MRC1: variants seen among roughly 807,000 people sequenced by gnomAD.
The protein encoded by MRC1 is macrophage mannose receptor 1.
MRC1 carries 62 observed loss-of-function variants against 102.9 expected under a neutral mutation model. The observed-to-expected ratio is 0.60, with a 90% confidence interval of 0.49 to 0.74. The LOEUF (loss-of-function observed/expected upper bound fraction) is 0.74. Among genes scored for constraint, MRC1 ranks in the 30% least tolerant of loss-of-function variants. The probability of loss-of-function intolerance (pLI) is 0.00; values close to 1 mark genes in which losing one functional copy is unlikely to be tolerated. For synonymous variants in MRC1, 457 were observed against 298.4 expected (o/e 1.53, Z -5.48); for missense variants, 1,237 against 862.8 (o/e 1.43, Z -5.43).
intron 24 of MRC1, among the ~76,000 whole-genome samples, chr10:17,898,817 T>A (rs1554843532): frequency 6.6e-6 from 1 of 152,086 alleles, no homozygotes; most frequent in African/African-American, 2.4e-5. Context: ...GCTGATAGAG[T>A]TGCCAAATTA....
chr10:17,895,120 T>C (rs1833737098), intron 23 of MRC1, among the ~76,000 whole-genome samples: 1 of 152,008 alleles, frequency 6.6e-6, no homozygotes, highest in Non-Finnish European at 1.5e-5. Flanking sequence ...GAGACTGAGG[T>C]GAGAGGATCA....
intron 29 of MRC1, 95 bp downstream of exon 29, chr10:17,909,442 C>T: frequency 2.6e-6 from 2 of 760,208 alleles, no homozygotes; most frequent in Non-Finnish European, 4.8e-6. Flanking sequence ...AACTCCCCTG[C>T]TCTCTCAGTA....
At chr10:17,898,779 A>G (rs1833789465) in intron 24 of MRC1, among the ~76,000 whole-genome samples, 1 of 152,200 alleles carries the variant, frequency 6.6e-6, no homozygotes, top group African/African-American at 2.4e-5. Flanking sequence ...GTTGGCAAAG[A>G]CTAGGGAAGA....
intron 17 of MRC1, among the ~76,000 whole-genome samples, chr10:17,877,081 A>C (rs1467133810): frequency 6.7e-6 from 1 of 149,566 alleles, no homozygotes; most frequent in African/African-American, 2.4e-5. Flanking sequence ...TATATATATT[A>C]TGTATATATA....
At chr10:17,889,173 A>G (rs1369000667) in intron 22 of MRC1, among the ~76,000 whole-genome samples, 3 of 152,078 alleles carry the variant, frequency 2.0e-5, no homozygotes, top group African/African-American at 7.2e-5. Flanking sequence ...ATTTAAAGTG[A>G]ATTTCTTATA....
intron 2 of MRC1, among the ~76,000 whole-genome samples, chr10:17,826,775 C>A (rs1329125770): frequency 6.6e-6 from 1 of 152,188 alleles, no homozygotes; most frequent in Non-Finnish European, 1.5e-5. Context: ...CCCAGAGCTT[C>A]CCACTCAATC....
intron 11 of MRC1, among the ~76,000 whole-genome samples, chr10:17,866,295 G>GGGAAGGAAGGAGGGGAGGAAGGGA (rs782491711): frequency 0.11 from 16,404 of 145,248 alleles, 1,056 homozygotes; most frequent in Non-Finnish European, 0.16. Flanking sequence ...GAAGGAAAAA[G>GGGAAGGAAGGAGGGGAGGAAGGGA]GGAAGGAAGG....
At chr10:17,875,348 G>T in intron 17 of MRC1, 95 bp downstream of exon 17, 1 of 751,018 alleles carries the variant, frequency 1.3e-6, no homozygotes, top group Non-Finnish European at 2.5e-6. Context: ...TGATTTCTGA[G>T]ATTTTGGTAC....
intron 17 of MRC1, 48 bp from the exon 18 acceptor site, chr10:17,877,852 T>C: frequency 1.1e-6 from 1 of 871,402 alleles, no homozygotes; most frequent in Non-Finnish European, 2.0e-6. Context: ...AAGAACTTCC[T>C]GATTGTGTGA....
chr10:17,883,505 A>G (rs1025368063), intron 21 of MRC1, among the ~76,000 whole-genome samples: 96 of 152,102 alleles, frequency 6.3e-4, no homozygotes, highest in African/African-American at 2.2e-3. Context: ...ATTAAGAAAA[A>G]CAGAAGTCTC....
At chr10:17,877,830 T>C in intron 17 of MRC1, 70 bp from the exon 18 acceptor site, 1 of 867,260 alleles carries the variant, frequency 1.2e-6, no homozygotes, top group Non-Finnish European at 2.0e-6. Flanking sequence ...CATTAACATG[T>C]ATGTTTTGTT....
intron 3 of MRC1, among the ~76,000 whole-genome samples, chr10:17,832,507 A>T (rs972907125): frequency 2.0e-5 from 3 of 149,008 alleles, no homozygotes; most frequent in Non-Finnish European, 4.4e-5. Flanking sequence ...GTGAGCCGAG[A>T]TTGCACCACT....
intron 19 of MRC1, among the ~76,000 whole-genome samples, chr10:17,880,263 C>G (rs1014651192): frequency 1.3e-5 from 2 of 152,096 alleles, no homozygotes; most frequent in African/African-American, 4.8e-5. Context: ...TTATGATTAG[C>G]TACTACCATT....
chr10:17,833,175 C>T (rs1475978605), intron 3 of MRC1, among the ~76,000 whole-genome samples: 1 of 152,122 alleles, frequency 6.6e-6, no homozygotes, highest in East Asian at 1.9e-4. Flanking sequence ...ACCTCATCCC[C>T]TACTTCCTAT....
intron 5 of MRC1, among the ~76,000 whole-genome samples, chr10:17,843,864 A>G (rs532868583): frequency 4.6e-5 from 7 of 152,164 alleles, no homozygotes; most frequent in Non-Finnish European, 1.0e-4. Flanking sequence ...AAAGGAAGTG[A>G]CATTCAGGCA....
At chr10:17,817,225 G>C (rs1554837958) in intron 1 of MRC1, among the ~76,000 whole-genome samples, 1 of 146,262 alleles carries the variant, frequency 6.8e-6, no homozygotes, top group Non-Finnish European at 1.5e-5. Context: ...ACTCCAGCCT[G>C]GGCGACAGAG....
At chr10:17,868,092 A>C (rs2130672222) in intron 12 of MRC1, among the ~76,000 whole-genome samples, 1 of 152,150 alleles carries the variant, frequency 6.6e-6, no homozygotes, top group South Asian at 2.1e-4. Flanking sequence ...ACAAACAAAA[A>C]CCCCAATGAA....
chr10:17,859,352 A>G (rs895556452), intron 9 of MRC1, among the ~76,000 whole-genome samples: 38 of 151,890 alleles, frequency 2.5e-4, no homozygotes, highest in African/African-American at 7.7e-4. Context: ...GAGTCTTGCT[A>G]TGTTGCCCAG....
chr10:17,821,791 CTTTG>C (rs1838400319), intron 1 of MRC1, among the ~76,000 whole-genome samples: 3 of 152,108 alleles, frequency 2.0e-5, no homozygotes, highest in South Asian at 4.1e-4. Flanking sequence ...ATGATTCTAA[CTTTG>C]TTTGATTTCG....
Sources: gnomAD v4.1 joint callset for allele counts (sites outside exome capture counted in the v4.1 genomes callset) on GRCh38, gnomAD v4.1.1 for gene constraint, MANE v1.5 for transcripts, NCBI Gene and HGNC (gene_info 2026-07-23, HGNC 2026-07-21) for gene names.